LRP1B: variants seen among roughly 807,000 people sequenced by gnomAD.
The protein encoded by LRP1B is low-density lipoprotein receptor-related protein 1B.
A neutral mutation model predicts 556.6 loss-of-function variants in LRP1B; 217 were observed. That is an observed-to-expected ratio of 0.39 (90% CI 0.35 to 0.44). The LOEUF (loss-of-function observed/expected upper bound fraction) is 0.44. Ranked by LOEUF, LRP1B falls within the 20% of genes least tolerant of loss-of-function variation. The pLI, the probability that LRP1B is intolerant of heterozygous loss-of-function variation, is 1.00. For synonymous variants in LRP1B, 2,047 were observed against 1,865.8 expected (o/e 1.10, Z -2.50); for missense variants, 5,053 against 5,620.8 (o/e 0.90, Z 3.23).
intron 2 of LRP1B, among the ~76,000 whole-genome samples, chr2:141,629,110 C>G (rs77695788): frequency 0.039 from 5,892 of 152,154 alleles, 157 homozygotes; most frequent in South Asian, 0.083. Flanking sequence ...TTTTTCCAAA[C>G]TTACTATGAC....
At chr2:141,034,458 C>A (rs888342752) in intron 11 of LRP1B, among the ~76,000 whole-genome samples, 8 of 151,930 alleles carry the variant, frequency 5.3e-5, no homozygotes, top group Non-Finnish European at 1.2e-4. Flanking sequence ...ACAACCTATT[C>A]ATCTGACAAA....
chr2:141,712,836 A>T (rs1692415085), intron 2 of LRP1B, among the ~76,000 whole-genome samples: 2 of 103,366 alleles, frequency 1.9e-5, no homozygotes, highest in East Asian at 2.9e-4. Flanking sequence ...TGCCCAGCTA[A>T]TTTTTTTTTT....
intron 3 of LRP1B, among the ~76,000 whole-genome samples, chr2:141,380,373 A>G (rs1689593603): frequency 6.6e-6 from 1 of 152,250 alleles, no homozygotes; most frequent in South Asian, 2.1e-4. Context: ...TCGCTACCCA[A>G]CTAATAGTCT....
intron 41 of LRP1B, among the ~76,000 whole-genome samples, chr2:140,622,033 C>T (rs745751739): frequency 6.6e-6 from 1 of 152,168 alleles, no homozygotes; most frequent in Non-Finnish European, 1.5e-5. Context: ...TTCTTGTAAG[C>T]TAACTTATTT....
chr2:140,598,628 T>C lies in LRP1B; in HGVS notation c.7194+3A>G. ...ATAACCAAGAAATTCCTGATTAACT[T>C]ACATGTCTCTGGGATCCATCGTATT... On this transcript the variant is annotated splice_donor_region_variant and intron_variant, in intron 43 of 90. Coordinates refer to ENST00000389484, the MANE Select transcript of LRP1B (RefSeq NM_018557.3). 5.0e-6 allele frequency: 8 copies of C among 1,608,472 alleles called. No homozygotes were observed. The highest frequency in any genetic ancestry group is 6.8e-6 in the Non-Finnish European group (8 of 1,175,130).
intron 2 of LRP1B, among the ~76,000 whole-genome samples, chr2:141,758,634 C>T (rs1347424092): frequency 6.6e-6 from 1 of 151,918 alleles, no homozygotes; most frequent in Non-Finnish European, 1.5e-5. Flanking sequence ...TTGCTTGTTA[C>T]AATCTAGATA....
intron 3 of LRP1B, among the ~76,000 whole-genome samples, chr2:141,343,598 C>T (rs996504966): frequency 6.6e-6 from 1 of 152,126 alleles, no homozygotes; most frequent in African/African-American, 2.4e-5. Flanking sequence ...AGAGCCAGAA[C>T]AGCATTTCAG....
intron 47 of LRP1B, among the ~76,000 whole-genome samples, chr2:140,528,890 G>A (rs1011621103): frequency 3.3e-5 from 5 of 152,014 alleles, no homozygotes; most frequent in Non-Finnish European, 5.9e-5. Flanking sequence ...CTTCGTTGTG[G>A]TCAGTTAAGT....
At chr2:140,782,178 A>G (rs924859513) in intron 32 of LRP1B, among the ~76,000 whole-genome samples, 5 of 152,174 alleles carry the variant, frequency 3.3e-5, no homozygotes, top group Non-Finnish European at 7.4e-5. Flanking sequence ...GGTAGGGGTT[A>G]AGCTGTGTAT....
At position 140,483,648 on chromosome 2, in the gene LRP1B, T is replaced by A. The variant is rs1357454025; in HGVS notation, c.9425+1695A>T. On this transcript the variant is annotated intron_variant, in intron 59 of 90. Transcript: ENST00000389484. ...TATATATATATATATATATTTTTTTTTTTTTTTTTTGAGACACTGTCTGGC... is the reference window on the plus strand; with the variant it reads ...TATATATATATATATATATTTTTTTATTTTTTTTTTGAGACACTGTCTGGC... Among the ~76,000 whole-genome samples the A allele has an allele frequency of 7.7e-4, 88 of 113,634 alleles. 2 individuals carry two copies. Among genetic ancestry groups the A allele is most frequent in the South Asian group, 5.7e-3 (19 of 3,334 alleles). 74.5% of individuals were successfully genotyped at this position (113,634 alleles called of 152,430 possible). A position where few individuals can be genotyped will look rare whatever the true frequency, so the allele number is the denominator to read the frequency against.
chr2:140,255,845 A>G (rs1376789796), intron 86 of LRP1B, among the ~76,000 whole-genome samples: 1 of 152,186 alleles, frequency 6.6e-6, no homozygotes, highest in Non-Finnish European at 1.5e-5. Context: ...TTAATCCACT[A>G]TGGGAAACTT....
intron 3 of LRP1B, among the ~76,000 whole-genome samples, chr2:141,333,212 G>C (rs1330947842): frequency 6.6e-6 from 1 of 152,030 alleles, no homozygotes. Flanking sequence ...TTCAGCTTGA[G>C]AATCATGGTA....
intron 3 of LRP1B, among the ~76,000 whole-genome samples, chr2:141,328,073 A>G (rs1040178498): frequency 3.9e-5 from 6 of 152,222 alleles, no homozygotes; most frequent in Non-Finnish European, 1.5e-5. Context: ...TCATCCAGAT[A>G]CATGGTTAGG....
rs537094081 is a variant in LRP1B, at chr2:142,018,462, G to T, written c.82+112186C>A. Among the ~76,000 whole-genome samples the T allele has an allele frequency of 1.2e-4, 19 of 152,136 alleles. 1 individual carries two copies. In the East Asian group the frequency reaches 3.7e-3, roughly 29 times the overall value. On this transcript the variant is annotated intron_variant, in intron 1 of 90. Coordinates refer to ENST00000389484, the MANE Select transcript of LRP1B (RefSeq NM_018557.3). ...TAATGCTATTCAAAATAATAGAAAA[G>T]AGTTTATTTTACTAGGATTTTTTGG...
At chr2:140,990,716 G>A (rs921092291) in intron 16 of LRP1B, among the ~76,000 whole-genome samples, 8 of 152,044 alleles carry the variant, frequency 5.3e-5, no homozygotes, top group South Asian at 2.1e-4. Flanking sequence ...CCATCTTAAT[G>A]TTAACCTTCT....
intron 86 of LRP1B, among the ~76,000 whole-genome samples, chr2:140,254,754 A>G (rs1324639363): frequency 1.3e-5 from 2 of 151,970 alleles, no homozygotes; most frequent in Non-Finnish European, 2.9e-5. Flanking sequence ...GGGTTTCACC[A>G]TGTTGGTCAG....
intron 7 of LRP1B, among the ~76,000 whole-genome samples, chr2:141,109,084 T>A (rs1029833205): frequency 6.6e-6 from 1 of 152,192 alleles, no homozygotes; most frequent in Non-Finnish European, 1.5e-5. Context: ...TTGTAAGATG[T>A]CTTTCTAGAC....
chr2:140,251,503 T>G (rs1681413765), intron 86 of LRP1B, among the ~76,000 whole-genome samples: 1 of 151,908 alleles, frequency 6.6e-6, no homozygotes, highest in Non-Finnish European at 1.5e-5. Context: ...ATATCTGCTC[T>G]TTCTTTTCAT....
At chr2:141,896,335 T>C (rs1255350423) in intron 1 of LRP1B, among the ~76,000 whole-genome samples, 1 of 152,052 alleles carries the variant, frequency 6.6e-6, no homozygotes, top group African/African-American at 2.4e-5. Context: ...AAATCAAAAA[T>C]AACAGATTAA....
Sources: allele counts gnomAD v4.1 joint callset (sites outside exome capture counted in the v4.1 genomes callset), GRCh38; gene constraint gnomAD v4.1.1; transcripts MANE v1.5; gene names NCBI Gene and HGNC (gene_info 2026-07-23, HGNC 2026-07-21).